ADAMTSL1: variants seen among roughly 807,000 people sequenced by gnomAD.
The protein encoded by ADAMTSL1 is ADAMTS-like protein 1.
In ADAMTSL1, 126 loss-of-function variants were observed where a neutral mutation model predicts 201.8. That is an observed-to-expected ratio of 0.62 (90% confidence interval 0.54 to 0.72). The LOEUF is 0.72. Ranked by LOEUF, ADAMTSL1 falls within the 30% of genes least tolerant of loss-of-function variation. The pLI, the probability that ADAMTSL1 is intolerant of heterozygous loss-of-function variation, is 0.00. For synonymous variants in ADAMTSL1, 1,121 were observed against 903.4 expected (o/e 1.24, Z -4.32); for missense variants, 2,679 against 2,277.8 (o/e 1.18, Z -3.59).
At chr9:18,384,447 G>A (rs938170098) in intron 2 of ADAMTSL1, among the ~76,000 whole-genome samples, 11 of 152,106 alleles carry the variant, frequency 7.2e-5, no homozygotes, top group African/African-American at 2.7e-4. Context: ...AACCATATCA[G>A]TACCTGATCA....
chr9:18,064,151 C>G (rs1360412532), intron 1 of ADAMTSL1, among the ~76,000 whole-genome samples: 2 of 152,170 alleles, frequency 1.3e-5, no homozygotes, highest in African/African-American at 4.8e-5. Flanking sequence ...GCACACATTG[C>G]TGTCCCAAGC....
At chr9:18,824,690 C>CTTTTTTTTTT (rs34551511) in intron 21 of ADAMTSL1, among the ~76,000 whole-genome samples, 22 of 75,742 alleles carry the variant, frequency 2.9e-4, no homozygotes, top group East Asian at 1.1e-3. Context: ...GGACTTGACC[C>CTTTTTTTTTT]TTTTTTTTTT....
At chr9:18,208,433 A>G (rs1269543207) in intron 2 of ADAMTSL1, among the ~76,000 whole-genome samples, 2 of 152,152 alleles carry the variant, frequency 1.3e-5, no homozygotes, top group Non-Finnish European at 2.9e-5. Context: ...CCTGCAGCCC[A>G]TGGATCATCA....
intron 3 of ADAMTSL1, among the ~76,000 whole-genome samples, chr9:18,567,012 C>T (rs376342512): frequency 3.3e-5 from 5 of 152,136 alleles, no homozygotes; most frequent in Admixed American, 6.5e-5. Flanking sequence ...TAGCAACATT[C>T]GCATCACCTG....
intron 3 of ADAMTSL1, among the ~76,000 whole-genome samples, chr9:18,546,221 A>G (rs138211059): frequency 6.6e-6 from 1 of 152,126 alleles, no homozygotes; most frequent in African/African-American, 2.4e-5. Flanking sequence ...TGGCTGTTGG[A>G]GAGTGTTTAG....
intron 2 of ADAMTSL1, among the ~76,000 whole-genome samples, chr9:18,190,409 A>G (rs765430374): frequency 6.6e-6 from 1 of 152,178 alleles, no homozygotes; most frequent in Non-Finnish European, 1.5e-5. Flanking sequence ...GAGATTAGGA[A>G]CTGTCATTGT....
intron 1 of ADAMTSL1, among the ~76,000 whole-genome samples, chr9:18,147,534 T>C (rs1042231495): frequency 3.9e-5 from 6 of 152,118 alleles, no homozygotes; most frequent in Admixed American, 3.9e-4. Flanking sequence ...GTATTCCCTC[T>C]TCCTATCTGC....
chr9:18,684,395 A>G (rs1356446933), intron 12 of ADAMTSL1, among the ~76,000 whole-genome samples: 7 of 152,224 alleles, frequency 4.6e-5, no homozygotes, highest in African/African-American at 9.6e-5. Flanking sequence ...TCAAGAGGGA[A>G]TGGTAAAAAG....
chr9:18,860,625 A>G (rs1827154057), intron 23 of ADAMTSL1, among the ~76,000 whole-genome samples: 1 of 152,186 alleles, frequency 6.6e-6, no homozygotes, highest in African/African-American at 2.4e-5. Flanking sequence ...AGATGGCAAT[A>G]TGTAAACACC....
intron 23 of ADAMTSL1, among the ~76,000 whole-genome samples, chr9:18,832,089 G>A (rs747230670): frequency 1.1e-4 from 16 of 152,190 alleles, no homozygotes; most frequent in Non-Finnish European, 2.1e-4. Flanking sequence ...CTGATGACAG[G>A]CAGCTAAACT....
At chr9:18,067,417 A>C (rs2131721649) in intron 1 of ADAMTSL1, among the ~76,000 whole-genome samples, 1 of 114,672 alleles carries the variant, frequency 8.7e-6, no homozygotes, top group South Asian at 2.9e-4. Context: ...CTCATTCTAG[A>C]GGGCCTTTTG....
intron 2 of ADAMTSL1, among the ~76,000 whole-genome samples, chr9:18,187,177 A>T (rs900199827): frequency 1.3e-5 from 2 of 152,130 alleles, no homozygotes; most frequent in African/African-American, 2.4e-5. Context: ...CTCTCTGTTG[A>T]TGCAGAGTTC....
At chr9:18,811,547 G>A (rs1024469052) in intron 20 of ADAMTSL1, among the ~76,000 whole-genome samples, 2 of 152,246 alleles carry the variant, frequency 1.3e-5, no homozygotes, top group Non-Finnish European at 2.9e-5. Context: ...TGGAGAACTT[G>A]GACTTAACCT....
At chr9:17,932,858 G>A (rs1246279367) in intron 1 of ADAMTSL1, among the ~76,000 whole-genome samples, 2 of 152,198 alleles carry the variant, frequency 1.3e-5, no homozygotes, top group African/African-American at 4.8e-5. Context: ...AATCTAGATA[G>A]CTCCTCTTCT....
intron 2 of ADAMTSL1, among the ~76,000 whole-genome samples, chr9:18,222,119 A>G (rs534417370): frequency 6.6e-6 from 1 of 151,760 alleles, no homozygotes; most frequent in Non-Finnish European, 1.5e-5. Context: ...TTTGATTAGT[A>G]TTTTCCTGTT....
intron 2 of ADAMTSL1, among the ~76,000 whole-genome samples, chr9:18,282,170 T>G (rs1832815977): frequency 6.6e-6 from 1 of 152,208 alleles, no homozygotes; most frequent in Non-Finnish European, 1.5e-5. Context: ...CCATTGTTGG[T>G]TCTCTGTTTC....
chr9:18,078,593 C>A (rs553953213), intron 1 of ADAMTSL1, among the ~76,000 whole-genome samples: 1 of 152,100 alleles, frequency 6.6e-6, no homozygotes, highest in Non-Finnish European at 1.5e-5. Flanking sequence ...TTTCTTTGGT[C>A]CTGGTGTATA....
intron 16 of ADAMTSL1, among the ~76,000 whole-genome samples, chr9:18,765,393 T>C (rs1820300446): frequency 6.6e-6 from 1 of 151,780 alleles, no homozygotes; most frequent in African/African-American, 2.4e-5. Context: ...AAATGAAAAG[T>C]GGCTTGATGT....
intron 26 of ADAMTSL1, among the ~76,000 whole-genome samples, chr9:18,894,088 G>C (rs1377262849): frequency 2.6e-5 from 4 of 152,234 alleles, no homozygotes; most frequent in Non-Finnish European, 4.4e-5. Flanking sequence ...GAAAGCAGGT[G>C]CAAGACCATA....
Sources: gnomAD v4.1 joint callset for allele counts (sites outside exome capture counted in the v4.1 genomes callset) on GRCh38, gnomAD v4.1.1 for gene constraint, MANE v1.5 for transcripts, NCBI Gene and HGNC (gene_info 2026-07-23, HGNC 2026-07-21) for gene names.